The following CORO2B variants were observed in gnomAD, a reference collection of about 807,000 sequenced individuals.
CORO2B encodes coronin 2B, also known as coronin-2B.
Under a neutral mutation model 58.8 loss-of-function variants are expected in CORO2B, and 26 were observed. That is an observed-to-expected ratio of 0.44 (90% confidence interval 0.32 to 0.61). The LOEUF is 0.61. CORO2B is among the 20% of genes least tolerant of loss of function. CORO2B has a pLI of 0.04. For missense variants in CORO2B, 460 were observed against 645.1 expected (o/e 0.71, Z 3.11); for synonymous variants, 242 against 253.8 (o/e 0.95, Z 0.44).
At chr15:68,536,239 C>T in the CORO2B span, among the ~76,000 whole-genome samples, 9 of 152,160 alleles carry the variant, frequency 5.9e-5, no homozygotes, top group Non-Finnish European at 8.8e-5. Flanking sequence ...TCTCCATGTA[C>T]GTTGGCTGGT....
intron 2 of CORO2B, among the ~76,000 whole-genome samples, chr15:68,674,528 T>A (rs537463170): frequency 3.9e-4 from 59 of 152,284 alleles, no homozygotes; most frequent in African/African-American, 1.4e-3. Flanking sequence ...CAAACCTGGG[T>A]GTGGCCTGGC....
At chr15:68,680,617 C>T (rs138459610) in intron 2 of CORO2B, among the ~76,000 whole-genome samples, 7 of 152,266 alleles carry the variant, frequency 4.6e-5, no homozygotes, top group East Asian at 1.9e-4. Flanking sequence ...GTGTCCAGCA[C>T]GATTCCAGAC....
At chr15:68,532,189 G>T in the CORO2B span, among the ~76,000 whole-genome samples, 1 of 151,436 alleles carries the variant, frequency 6.6e-6, no homozygotes, top group Admixed American at 6.6e-5. Context: ...TGGATCTGTG[G>T]GTTTACATTA....
chr15:68,584,455 T>G (rs976399724), intron 1 of CORO2B, among the ~76,000 whole-genome samples: 1 of 152,132 alleles, frequency 6.6e-6, no homozygotes, highest in Admixed American at 6.5e-5. Context: ...TGGCACACAC[T>G]TGAGTTTGGC....
At chr15:68,554,779 G>A in the CORO2B span, among the ~76,000 whole-genome samples, 16 of 152,210 alleles carry the variant, frequency 1.1e-4, no homozygotes, top group Admixed American at 2.6e-4. Context: ...CCCATGACTA[G>A]GAAGGGACGG....
intron 2 of CORO2B, among the ~76,000 whole-genome samples, chr15:68,668,526 G>T (rs1005829914): frequency 6.6e-6 from 1 of 152,200 alleles, no homozygotes; most frequent in African/African-American, 2.4e-5. Context: ...AACTTGAATG[G>T]GATGGAGCCG....
At position 68,633,514 on chromosome 15, in the gene CORO2B, T is replaced by TACACACACACACACACAC. The variant is rs147873341; in HGVS notation, c.16-11631_16-11614dup. On this transcript the variant is annotated intron_variant, in intron 1 of 11. Coordinates refer to ENST00000261861, the MANE Select transcript of CORO2B (RefSeq NM_006091.5). ...CCAAGAGGAAATGGTTACTCCAACA[T>TACACACACACACACACAC]ACACACACACACACACACACACACA... 1.4e-3 allele frequency among the ~76,000 whole-genome samples: 199 copies of TACACACACACACACACAC among 144,070 alleles called. 2 individuals are homozygous for TACACACACACACACACAC. The highest frequency in any genetic ancestry group is 3.6e-3 in the African/African-American group (140 of 38,734). The allele number at this position is 144,070 out of a possible 152,430, so 94.5% of individuals were successfully genotyped here.
the CORO2B span, among the ~76,000 whole-genome samples, chr15:68,545,792 G>A: frequency 6.6e-6 from 1 of 152,176 alleles, no homozygotes; most frequent in East Asian, 1.9e-4. Flanking sequence ...GAGGCTGGGG[G>A]TACCCCGGGG....
At chr15:68,577,592 G>A (rs1322585738), upstream of CORO2B, among the ~76,000 whole-genome samples, 1 of 151,964 alleles carries the variant, frequency 6.6e-6, no homozygotes, top group Non-Finnish European at 1.5e-5. Context: ...GTGGTAGCGC[G>A]TTCCTGTAGT....
At chr15:68,529,000 C>T in the CORO2B span, among the ~76,000 whole-genome samples, 6 of 152,156 alleles carry the variant, frequency 3.9e-5, no homozygotes, top group African/African-American at 1.2e-4. Context: ...AAGGTGGAAA[C>T]GGTGCAGACT....
In CORO2B at chr15:68,642,759, C is replaced by T. The variant is rs74020260; in HGVS notation, c.16-2401C>T. ...CCCAGGGAGAGGCGCCGGCTGTCTGCGGATTCTGAGAAGGTCACTGTGGAC... is the reference window on the plus strand; with the variant it reads ...CCCAGGGAGAGGCGCCGGCTGTCTGTGGATTCTGAGAAGGTCACTGTGGAC... On this transcript the variant is annotated intron_variant, in intron 1 of 11. Coordinates refer to ENST00000261861, the MANE Select transcript of CORO2B (RefSeq NM_006091.5). Among the ~76,000 whole-genome samples the T allele has an allele frequency of 9.9e-3, 1,505 of 152,268 alleles. 25 individuals carry two copies. The highest frequency in any genetic ancestry group is 0.035 in the African/African-American group (1,437 of 41,544).
the CORO2B span, among the ~76,000 whole-genome samples, chr15:68,535,086 T>C: frequency 6.6e-6 from 1 of 152,154 alleles, no homozygotes; most frequent in Non-Finnish European, 1.5e-5. Flanking sequence ...CCACACCATA[T>C]CACCACCTTA....
chr15:68,529,057 T>C, the CORO2B span, among the ~76,000 whole-genome samples: 1 of 152,198 alleles, frequency 6.6e-6, no homozygotes, highest in Admixed American at 6.5e-5. Flanking sequence ...ACTAGATATC[T>C]TCTGATCTCT....
At chr15:68,642,565 C>A (rs1901287789) in intron 1 of CORO2B, among the ~76,000 whole-genome samples, 1 of 152,188 alleles carries the variant, frequency 6.6e-6, no homozygotes, top group Non-Finnish European at 1.5e-5. Flanking sequence ...GCCACGAGGC[C>A]AGTTACCCAG....
At chr15:68,668,709 A>T (rs1446806670) in intron 2 of CORO2B, among the ~76,000 whole-genome samples, 2 of 152,208 alleles carry the variant, frequency 1.3e-5, no homozygotes, top group Non-Finnish European at 2.9e-5. Flanking sequence ...GTGGGAAGCC[A>T]TTGGAGGGTT....
intron 1 of CORO2B, among the ~76,000 whole-genome samples, chr15:68,605,923 A>G (rs957312319): frequency 1.3e-5 from 2 of 151,748 alleles, no homozygotes; most frequent in Admixed American, 6.6e-5. Context: ...CGGGGGTTTC[A>G]CCATGTTGGT....
At chr15:68,666,229 CGG>C (rs1567001003) in intron 2 of CORO2B, among the ~76,000 whole-genome samples, 1 of 152,126 alleles carries the variant, frequency 6.6e-6, no homozygotes, top group African/African-American at 2.4e-5. Flanking sequence ...TTCTGGGTAG[CGG>C]ACATAAAACC....
the CORO2B span, among the ~76,000 whole-genome samples, chr15:68,568,460 G>A: frequency 6.6e-6 from 1 of 152,138 alleles, no homozygotes; most frequent in Non-Finnish European, 1.5e-5. Flanking sequence ...AGAGGGTAGA[G>A]AAGGGAAACA....
chr15:68,665,090 G>A (rs556714362), intron 2 of CORO2B, among the ~76,000 whole-genome samples: 54 of 152,200 alleles, frequency 3.5e-4, no homozygotes, highest in African/African-American at 1.2e-3. Context: ...TTTTTACTAG[G>A]CCTTTCACTA....
Sources: allele counts gnomAD v4.1 joint callset (sites outside exome capture counted in the v4.1 genomes callset), GRCh38; gene constraint gnomAD v4.1.1; transcripts MANE v1.5; gene names NCBI Gene and HGNC (gene_info 2026-07-23, HGNC 2026-07-21).